TSPAN12: variants seen among roughly 807,000 people sequenced by gnomAD.
TSPAN12 encodes the protein tetraspanin 12.
TSPAN12 carries 19 observed loss-of-function variants against 39.2 expected under a neutral mutation model. The ratio of observed to expected loss-of-function variants is 0.49; its 90% CI spans 0.34 to 0.71. TSPAN12 has a LOEUF of 0.71. TSPAN12 is among the 30% of genes least tolerant of loss of function. The pLI, the probability that TSPAN12 is intolerant of heterozygous loss-of-function variation, is 0.01. For missense variants in TSPAN12, 314 were observed against 359.9 expected (o/e 0.87, Z 1.03); for synonymous variants, 119 against 124.8 (o/e 0.95, Z 0.31).
At chr7:120,836,988 G>C (rs1794488674) in intron 4 of TSPAN12, among the ~76,000 whole-genome samples, 1 of 152,180 alleles carries the variant, frequency 6.6e-6, no homozygotes, top group South Asian at 2.1e-4. Flanking sequence ...ACTGTGCAGA[G>C]TAAAAGTTGG....
In TSPAN12 at chr7:120,853,778, G is replaced by A. The variant is rs1487768608; in HGVS notation, c.66+2920C>T. Among the ~76,000 whole-genome samples the A allele has an allele frequency of 4.0e-5, 6 of 150,740 alleles. No homozygotes were observed. In the East Asian group the frequency reaches 1.2e-3, roughly 29 times the overall value. On this transcript the variant is annotated intron_variant, in intron 2 of 7. Coordinates refer to ENST00000222747, the MANE Select transcript of TSPAN12 (RefSeq NM_012338.4). ...AGTCCCAGCTACTCAGGAGGCTGAG[G>A]CAGGAGAATCGCCTGAACCCGGGAG...
chr7:120,827,979 T>C, intron 4 of TSPAN12, among the ~76,000 whole-genome samples: 1 of 152,286 alleles, frequency 6.6e-6, no homozygotes, highest in South Asian at 2.1e-4. Context: ...TTTAGCTTAG[T>C]CAGTATATTT....
chr7:120,826,330 A>G (rs368056096), intron 4 of TSPAN12, among the ~76,000 whole-genome samples: 2 of 152,184 alleles, frequency 1.3e-5, no homozygotes, highest in East Asian at 3.9e-4. Flanking sequence ...ATGTACATCA[A>G]GGCATTAAGG....
At chr7:120,855,988 C>T (rs1173138188) in intron 2 of TSPAN12, among the ~76,000 whole-genome samples, 2 of 152,064 alleles carry the variant, frequency 1.3e-5, no homozygotes, top group East Asian at 1.9e-4. Context: ...AGTAATAATA[C>T]GATTATTAAT....
intron 4 of TSPAN12, among the ~76,000 whole-genome samples, chr7:120,820,117 A>C (rs1215492049): frequency 6.6e-6 from 1 of 152,090 alleles, no homozygotes; most frequent in Non-Finnish European, 1.5e-5. Context: ...GTTTGATGAG[A>C]TGGTCTGTAC....
At chr7:120,819,651 G>A (rs879471929) in intron 4 of TSPAN12, among the ~76,000 whole-genome samples, 2 of 152,028 alleles carry the variant, frequency 1.3e-5, no homozygotes, top group African/African-American at 4.8e-5. Flanking sequence ...GCAGCTTCAC[G>A]GTCAGCTGTC....
intron 7 of TSPAN12, among the ~76,000 whole-genome samples, chr7:120,789,247 A>G (rs1266147979): frequency 3.3e-5 from 5 of 152,188 alleles, no homozygotes; most frequent in African/African-American, 1.2e-4. Context: ...TCTGTGGGCC[A>G]TATGGTCTCT....
chr7:120,818,471 C>G (rs1260784271), intron 4 of TSPAN12, among the ~76,000 whole-genome samples: 2 of 151,956 alleles, frequency 1.3e-5, no homozygotes, highest in Non-Finnish European at 2.9e-5. Context: ...CATTAGCATT[C>G]AAACTTAAAG....
At chr7:120,845,848 A>G (rs1301251299) in intron 2 of TSPAN12, among the ~76,000 whole-genome samples, 1 of 152,194 alleles carries the variant, frequency 6.6e-6, no homozygotes, top group African/African-American at 2.4e-5. Context: ...CCTGTTACTG[A>G]GTTACAAAGC....
At chr7:120,794,482 A>ATC (rs1355214018) in intron 7 of TSPAN12, among the ~76,000 whole-genome samples, 2 of 151,776 alleles carry the variant, frequency 1.3e-5, no homozygotes, top group African/African-American at 2.4e-5. Context: ...ACCACCCCCC[A>ATC]TCTCTCTCTC....
chr7:120,806,070 C>T (rs1793865924), intron 7 of TSPAN12, among the ~76,000 whole-genome samples: 1 of 152,060 alleles, frequency 6.6e-6, no homozygotes, highest in African/African-American at 2.4e-5. Flanking sequence ...AAACTGACAT[C>T]ACTAATCATT....
At chr7:120,818,095 G>A (rs576594993) in intron 4 of TSPAN12, among the ~76,000 whole-genome samples, 11 of 152,126 alleles carry the variant, frequency 7.2e-5, no homozygotes, top group African/African-American at 2.6e-4. Context: ...TCAGAAAAAA[G>A]CAATCCAGGA....
intron 2 of TSPAN12, among the ~76,000 whole-genome samples, chr7:120,845,472 C>T (rs1794652912): frequency 6.6e-6 from 1 of 152,196 alleles, no homozygotes; most frequent in Non-Finnish European, 1.5e-5. Flanking sequence ...AGTTTTAGAA[C>T]ATCTCTTTAC....
chr7:120,850,326 T>G (rs1479738356), intron 2 of TSPAN12, among the ~76,000 whole-genome samples: 2 of 152,214 alleles, frequency 1.3e-5, no homozygotes, highest in Non-Finnish European at 2.9e-5. Context: ...GGCATAATTC[T>G]TAGCAGAAAC....
At chr7:120,800,665 T>G (rs771824603) in intron 7 of TSPAN12, among the ~76,000 whole-genome samples, 3 of 151,558 alleles carry the variant, frequency 2.0e-5, no homozygotes, top group Non-Finnish European at 2.9e-5. Flanking sequence ...GCCTAATCTG[T>G]CTCCCCCACT....
intron 5 of TSPAN12, among the ~76,000 whole-genome samples, chr7:120,812,473 G>A (rs1794000737): frequency 6.6e-6 from 1 of 152,094 alleles, no homozygotes; most frequent in Non-Finnish European, 1.5e-5. Context: ...AGCAAATAAG[G>A]CTCCAACAGA....
chr7:120,838,780 T>A lies in TSPAN12; in HGVS notation c.282A>T (p.Ala94=), dbSNP rs1384658779. The A allele has an allele frequency of 6.2e-7, 1 of 1,613,818 alleles. No homozygotes were observed. The highest frequency in any genetic ancestry group is 8.5e-7 in the Non-Finnish European group (1 of 1,179,788). The change falls in exon 4 of 8, where the codon GCA becomes GCT. Residue 94 remains alanine (A), a synonymous_variant. Transcript: ENST00000222747. ...AAGAGAAAATATAACATCATACCCA[T>A]GCAAGAAGCAACAGATTTCTTTTCA... is the stretch of plus-strand genomic sequence containing the variant. ...GTVKRNLLLL[A]WYFGSLLVIF... is the part of the protein sequence containing the mutation.
rs1479073195 is a variant in TSPAN12, at chr7:120,857,114, G to A, written c.-70-281C>T. ...AAACTCGCGTTCTCAGGGGACACGC[G>A]GCGGAGCCCTGTGCATTCTGATGAG... On this transcript the variant is annotated intron_variant, in intron 1 of 7. Coordinates refer to ENST00000222747, the MANE Select transcript of TSPAN12 (RefSeq NM_012338.4). 1.5e-5 allele frequency: 6 copies of A among 393,566 alleles called. No individual in the cohort carries two copies. The East Asian group carries it at 3.6e-4, about 24-fold the overall frequency. 24.4% of individuals were successfully genotyped at this position (393,566 alleles called of 1,614,324 possible).
intron 2 of TSPAN12, among the ~76,000 whole-genome samples, chr7:120,854,386 T>C (rs998750479): frequency 1.3e-5 from 2 of 152,282 alleles, no homozygotes; most frequent in Middle Eastern, 6.8e-3. Flanking sequence ...ATCATCATCA[T>C]TGTAGTAGTT....
Sources: gnomAD v4.1 joint callset for allele counts (sites outside exome capture counted in the v4.1 genomes callset) on GRCh38, gnomAD v4.1.1 for gene constraint, MANE v1.5 for transcripts, NCBI Gene and HGNC (gene_info 2026-07-23, HGNC 2026-07-21) for gene names.